The following PDILT variants were observed in gnomAD, a reference collection of about 807,000 sequenced individuals.
PDILT encodes protein disulfide-isomerase-like protein of the testis.
Under a neutral mutation model 53.7 loss-of-function variants are expected in PDILT, and 43 were observed. The ratio of observed to expected loss-of-function variants is 0.80; its 90% CI spans 0.63 to 1.03. The LOEUF is 1.03. Among genes scored for constraint, PDILT ranks in the 50% least tolerant of loss-of-function variants. The pLI is 0.00. For synonymous variants in PDILT, 282 were observed against 274.2 expected, an observed-to-expected ratio of 1.03 and a Z score of -0.28; for missense variants, 727 against 712.3, an observed-to-expected ratio of 1.02 and a Z score of -0.24.
rs187530805 is a variant in PDILT, at chr16:20,373,260, G to A, written c.682-138C>T. 857 of 715,266 alleles carry A rather than the reference G, an allele frequency of 1.2e-3. 3 individuals are homozygous for A. The highest frequency in any genetic ancestry group is 3.6e-3 in the Middle Eastern group (9 of 2,492). 44.3% of individuals were successfully genotyped at this position (715,266 alleles called of 1,614,324 possible). The stretch of plus-strand genomic sequence containing the variant: ...GTATCAGGTGTAGTCTGTAATCTAG[G>A]TAGTTAATAACTAGGAGGGGCTGGC... On this transcript the variant is annotated intron_variant, in intron 5 of 11. Coordinates refer to ENST00000302451, the MANE Select transcript of PDILT (RefSeq NM_174924.2).
Position 20,365,603 on chromosome 16 carries a change from C to G in PDILT, c.1117-63G>C, listed in dbSNP as rs1037466768. 3.8e-6 allele frequency: 6 copies of G among 1,570,256 alleles called. No individual in the cohort carries two copies. In the African/African-American group the frequency reaches 5.5e-5, roughly 14 times the overall value. ...AAGGGTCTTGAAGTTGTGGGGCTCC[C>G]CACCTTGATTGGAAACCACTAAAGG... On this transcript the variant is annotated intron_variant, in intron 8 of 11. Coordinates refer to ENST00000302451, the MANE Select transcript of PDILT (RefSeq NM_174924.2).
At position 20,391,615 on chromosome 16, in the gene PDILT, A is replaced by G. The variant is rs80132773; in HGVS notation, c.203-6764T>C. Among the ~76,000 whole-genome samples, 837 of 152,218 alleles carry G rather than the reference A, an allele frequency of 5.5e-3. 4 individuals carry two copies. Among genetic ancestry groups the G allele is most frequent in the African/African-American group, 0.019 (777 of 41,552 alleles). On this transcript the variant is annotated intron_variant, in intron 2 of 11. Transcript: ENST00000302451. ...CAAAGGAAATCTCATTCATTCATCT[A>G]TTCATTCATTTAACATCTATGGAAG...
At chr16:20,370,690 T>C (rs895617380) in intron 7 of PDILT, among the ~76,000 whole-genome samples, 2 of 152,178 alleles carry the variant, frequency 1.3e-5, no homozygotes, top group Non-Finnish European at 2.9e-5. Flanking sequence ...ACGATTTAGG[T>C]ATTCTTAGTC....
chr16:20,400,193 G>A (rs1966719235), intron 1 of PDILT, among the ~76,000 whole-genome samples: 1 of 151,790 alleles, frequency 6.6e-6, no homozygotes, highest in South Asian at 2.1e-4. Flanking sequence ...TCCCACCTCA[G>A]CCTCCCAAGT....
chr16:20,375,956 T>A lies in PDILT; in HGVS notation c.543+112A>T, dbSNP rs1966379547. On this transcript the variant is annotated intron_variant, in intron 4 of 11. Coordinates refer to ENST00000302451, the MANE Select transcript of PDILT (RefSeq NM_174924.2). ...GAGCTTCCCCTAAAAACCAGATCAT[T>A]GGATGGAGAAAATTGGGCAATCAAA... 2.0e-5 allele frequency: 27 copies of A among 1,363,454 alleles called. 1 individual carries two copies. The South Asian group carries it at 3.8e-4, about 19-fold the overall frequency. The allele number at this position is 1,363,454 out of a possible 1,614,324, so 84.5% of individuals were successfully genotyped here. A position where few individuals can be genotyped will look rare whatever the true frequency, so the allele number is the denominator to read the frequency against.
intron 10 of PDILT, 96 bp downstream of exon 10, chr16:20,362,308 G>T: frequency 7.6e-7 from 1 of 1,318,048 alleles, no homozygotes. Flanking sequence ...AATAAAACTG[G>T]TTTGGTAGAA....
chr16:20,400,012 C>CTCCATCTATCTA (rs1555492345), intron 1 of PDILT, among the ~76,000 whole-genome samples: 4 of 141,786 alleles, frequency 2.8e-5, no homozygotes, highest in African/African-American at 8.1e-5. Flanking sequence ...TTGAATATAT[C>CTCCATCTATCTA]TCTATCTATC....
intron 3 of PDILT, among the ~76,000 whole-genome samples, chr16:20,378,833 C>T (rs1027463430): frequency 2.0e-5 from 3 of 152,172 alleles, no homozygotes; most frequent in Admixed American, 2.0e-4. Flanking sequence ...TAACTTGTAA[C>T]AGATTACATT....
In PDILT at chr16:20,362,494, AATG is replaced by A. The variant is rs1236965542; in HGVS notation, c.1323_1325del (p.Ile442del). 1 of 1,614,196 alleles carries A rather than the reference AATG, an allele frequency of 6.2e-7. No individual in the cohort carries two copies. Among genetic ancestry groups the A allele is most frequent in the Admixed American group, 1.7e-5 (1 of 60,018 alleles). Reference sequence around the variant, plus strand: ...CATTTGCTGTGACATCGATCTTGGCAATGATAATTGTGGAGTGGTTTTGATATT... The same window carrying A: ...CATTTGCTGTGACATCGATCTTGGCAATAATTGTGGAGTGGTTTTGATATT... On this transcript the variant is annotated inframe_deletion, in exon 10 of 12. Coordinates refer to ENST00000302451, the MANE Select transcript of PDILT (RefSeq NM_174924.2).
At chr16:20,363,816 C>T (rs559055970) in intron 9 of PDILT, among the ~76,000 whole-genome samples, 200 of 152,256 alleles carry the variant, frequency 1.3e-3, no homozygotes, top group African/African-American at 3.9e-3. Context: ...GGACACTGAA[C>T]TTTCTTGTGG....
Position 20,360,624 on chromosome 16 carries a change from C to T in PDILT, c.1450G>A (p.Gly484Ser), listed in dbSNP as rs749050757. The T allele has an allele frequency of 1.2e-6, 2 of 1,614,040 alleles. No individual in the cohort carries two copies. Among genetic ancestry groups the T allele is most frequent in the Non-Finnish European group, 8.5e-7 (1 of 1,179,938 alleles). ...VLYKGEHTLK[G>S]FSDFLESHIK... ...TGGCTTTCCAGGAAGTCAGAGAAGC[C>T]CTTCAGGGTGTGTTCTCCCTTATAC... Residue 484 changes from glycine to serine, a missense_variant, in exon 11 of 12, where the codon GGC becomes AGC. Physicochemically the swap from Gly to Ser is moderately conservative, Grantham distance 56 (BLOSUM62 0). Transcript: ENST00000302451.
chr16:20,360,803 C>T (rs925595671), intron 10 of PDILT, 146 bp from the exon 11 acceptor site: 1 of 632,696 alleles, frequency 1.6e-6, no homozygotes, highest in Admixed American at 2.6e-5. Flanking sequence ...GCCTCCAGTG[C>T]CATGGTTCCA....
chr16:20,373,271 C>T (rs746265305), intron 5 of PDILT, 149 bp from the exon 6 acceptor site: 1 of 673,382 alleles, frequency 1.5e-6, no homozygotes. Context: ...TAGTTAATAA[C>T]TAGGAGGGGC....
intron 11 of PDILT, among the ~76,000 whole-genome samples, chr16:20,359,810 A>C (rs958485515): frequency 6.6e-6 from 1 of 152,192 alleles, no homozygotes; most frequent in African/African-American, 2.4e-5. Flanking sequence ...TGGGGGAACC[A>C]AAGGTTCTAA....
chr16:20,387,903 T>G (rs1350378042), intron 2 of PDILT, among the ~76,000 whole-genome samples: 2 of 152,110 alleles, frequency 1.3e-5, no homozygotes, highest in African/African-American at 4.8e-5. Context: ...GAATATTATA[T>G]GGAGATTAGA....
intron 1 of PDILT, among the ~76,000 whole-genome samples, chr16:20,400,631 A>G (rs970707373): frequency 2.6e-5 from 4 of 152,040 alleles, no homozygotes; most frequent in Admixed American, 2.6e-4. Flanking sequence ...GAAATTTTGA[A>G]TATGTACAAA....
At chr16:20,394,164 G>A (rs1484627335) in intron 2 of PDILT, among the ~76,000 whole-genome samples, 1 of 152,210 alleles carries the variant, frequency 6.6e-6, no homozygotes, top group African/African-American at 2.4e-5. Context: ...GGTGAGGGCT[G>A]TCCAGTGTCC....
At chr16:20,369,711 T>A in intron 7 of PDILT, 22 bp from the exon 8 acceptor site, 1 of 1,612,492 alleles carries the variant, frequency 6.2e-7, no homozygotes, top group Non-Finnish European at 8.5e-7. Context: ...AACAAAACCC[T>A]TGTCTCTCTG....
intron 8 of PDILT, among the ~76,000 whole-genome samples, chr16:20,368,431 G>A (rs370603009): frequency 6.6e-5 from 10 of 152,036 alleles, no homozygotes; most frequent in Admixed American, 2.6e-4. Context: ...CAGCCTCACC[G>A]CTCAGCCCAT....
Sources: allele counts gnomAD v4.1 joint callset (sites outside exome capture counted in the v4.1 genomes callset), GRCh38; gene constraint gnomAD v4.1.1; transcripts MANE v1.5; gene names NCBI Gene and HGNC (gene_info 2026-07-23, HGNC 2026-07-21).